DPT: variants seen among roughly 807,000 people sequenced by gnomAD.
The protein encoded by DPT is dermatopontin, also known as tyrosine-rich acidic matrix protein.
Under a neutral mutation model 31.2 loss-of-function variants are expected in DPT, and 21 were observed. The observed-to-expected ratio is 0.67, with a 90% CI of 0.48 to 0.97. The LOEUF (loss-of-function observed/expected upper bound fraction) is 0.97, where lower values mean the gene tolerates loss of function less well. Among genes scored for constraint, DPT ranks in the 50% least tolerant of loss-of-function variants. The pLI is 0.00. For missense variants in DPT, 262 were observed against 258.8 expected, an observed-to-expected ratio of 1.01 and a Z score of -0.08; for synonymous variants, 91 against 86.9, an observed-to-expected ratio of 1.05 and a Z score of -0.26.
At chr1:168,721,631 A>T (rs755456970) in intron 1 of DPT, among the ~76,000 whole-genome samples, 6 of 152,130 alleles carry the variant, frequency 3.9e-5, no homozygotes, top group Non-Finnish European at 5.9e-5. Context: ...TCCTTCAAAG[A>T]TCCTTCCTTT....
At chr1:168,720,266 T>C (rs1390149366) in intron 1 of DPT, among the ~76,000 whole-genome samples, 1 of 152,146 alleles carries the variant, frequency 6.6e-6, no homozygotes, top group Non-Finnish European at 1.5e-5. Context: ...GTTCATGAGC[T>C]CTCAAGAAAT....
intron 1 of DPT, among the ~76,000 whole-genome samples, chr1:168,719,722 A>G (rs1472467488): frequency 6.6e-6 from 1 of 152,046 alleles, no homozygotes; most frequent in Non-Finnish European, 1.5e-5. Context: ...TAAGGAAATA[A>G]GACTATTTCC....
chr1:168,708,827 A>T (rs777008741), intron 2 of DPT, among the ~76,000 whole-genome samples: 2 of 152,216 alleles, frequency 1.3e-5, no homozygotes, highest in Non-Finnish European at 2.9e-5. Flanking sequence ...GCATTACAGG[A>T]GTGAACATGC....
intron 2 of DPT, among the ~76,000 whole-genome samples, chr1:168,707,321 A>G (rs1649743787): frequency 6.6e-6 from 1 of 152,170 alleles, no homozygotes; most frequent in Non-Finnish European, 1.5e-5. Flanking sequence ...ATATCCATTC[A>G]CATTCATTGA....
chr1:168,710,164 G>A (rs375611570), intron 2 of DPT, among the ~76,000 whole-genome samples: 5 of 152,290 alleles, frequency 3.3e-5, no homozygotes, highest in South Asian at 2.1e-4. Context: ...ACACACCAGC[G>A]GGATAGTGAG....
intron 2 of DPT, among the ~76,000 whole-genome samples, chr1:168,710,022 C>G (rs1016382714): frequency 6.6e-6 from 1 of 152,178 alleles, no homozygotes; most frequent in Non-Finnish European, 1.5e-5. Context: ...TATTAAGAGT[C>G]TATTTTGTGC....
intron 1 of DPT, among the ~76,000 whole-genome samples, chr1:168,717,842 A>T (rs1341474936): frequency 6.6e-6 from 1 of 152,190 alleles, no homozygotes; most frequent in Non-Finnish European, 1.5e-5. Flanking sequence ...ATCACTTTGT[A>T]AATGCCTGGC....
At chr1:168,711,319 C>G (rs568476999) in intron 2 of DPT, among the ~76,000 whole-genome samples, 149 of 152,232 alleles carry the variant, frequency 9.8e-4, no homozygotes, top group Non-Finnish European at 1.9e-3. Flanking sequence ...CATGCCCGGC[C>G]TTGACAAATT....
intron 2 of DPT, among the ~76,000 whole-genome samples, chr1:168,707,765 T>C (rs1649755394): frequency 6.6e-6 from 1 of 152,296 alleles, no homozygotes; most frequent in East Asian, 1.9e-4. Context: ...TTTCCCCCTT[T>C]TGCTTGGCAT....
rs1197686616 is a variant in DPT, at chr1:168,696,226, A to G, written c.*323T>C. On this transcript the variant is annotated 3_prime_UTR_variant, in exon 4 of 4. Transcript: ENST00000367817. ...AGTTCATTCTGCAGTAAAAAGCAGT[A>G]GCCAGGCTGCAGCTGGTGCTCCAGA... is the stretch of plus-strand genomic sequence containing the variant. 1 of 434,078 alleles carries G rather than the reference A, an allele frequency of 2.3e-6. No individual in the cohort carries two copies. The highest frequency in any genetic ancestry group is 3.4e-5 in the East Asian group (1 of 29,498). 26.9% of individuals were successfully genotyped at this position (434,078 alleles called of 1,614,324 possible).
In DPT at chr1:168,696,559, G is replaced by A. The variant is rs1649470814; in HGVS notation, c.596C>T (p.Ala199Val). 1 of 1,613,916 alleles carries A rather than the reference G, an allele frequency of 6.2e-7. No homozygotes were observed. The highest frequency in any genetic ancestry group is 8.5e-7 in the Non-Finnish European group (1 of 1,179,952). ...TGGTATGTGGCAAATCTAAACATTT[G>A]CAAATTCACAGTCGTATTCAGTCAT... ...CRMTEYDCEF[A>V]NV The change falls in exon 4 of 4, where the codon GCA becomes GTA. Residue 199 changes from alanine to valine, a missense_variant. Transcript: ENST00000367817.
chr1:168,719,570 G>A (rs900804240), intron 1 of DPT, among the ~76,000 whole-genome samples: 4 of 152,096 alleles, frequency 2.6e-5, no homozygotes, highest in Non-Finnish European at 5.9e-5. Context: ...GAACAGGGCA[G>A]TGGCTCAATG....
At chr1:168,700,046 A>T in intron 3 of DPT, among the ~76,000 whole-genome samples, 1 of 151,778 alleles carries the variant, frequency 6.6e-6, no homozygotes, top group Non-Finnish European at 1.5e-5. Context: ...GGGATTGTTA[A>T]CTCCTTTCAT....
intron 3 of DPT, among the ~76,000 whole-genome samples, chr1:168,697,704 T>C (rs2101897374): frequency 6.6e-6 from 1 of 152,372 alleles, no homozygotes; most frequent in Non-Finnish European, 1.5e-5. Flanking sequence ...CTAATATATC[T>C]GGCATTGCAC....
At position 168,696,241 on chromosome 1, in the gene DPT, G is replaced by A; in HGVS notation, c.*308C>T. 1 of 433,598 alleles carries A rather than the reference G, an allele frequency of 2.3e-6. No individual in the cohort carries two copies. The highest frequency in any genetic ancestry group is 4.0e-6 in the Non-Finnish European group (1 of 247,354). The allele number at this position is 433,598 out of a possible 1,614,324, so 26.9% of individuals were successfully genotyped here. A position where few individuals can be genotyped will look rare whatever the true frequency, so the allele number is the denominator to read the frequency against. ...AAAAAGCAGTAGCCAGGCTGCAGCTGGTGCTCCAGAAGCCCGGCTGTAAGC... is the reference window on the plus strand; with the variant it reads ...AAAAAGCAGTAGCCAGGCTGCAGCTAGTGCTCCAGAAGCCCGGCTGTAAGC... On this transcript the variant is annotated 3_prime_UTR_variant, in exon 4 of 4. Coordinates refer to ENST00000367817, the MANE Select transcript of DPT (RefSeq NM_001937.5).
intron 3 of DPT, among the ~76,000 whole-genome samples, chr1:168,697,511 A>T (rs1275752878): frequency 6.6e-6 from 1 of 152,256 alleles, no homozygotes; most frequent in Non-Finnish European, 1.5e-5. Flanking sequence ...GGATGGGAAG[A>T]GTGTACATAG....
At chr1:168,705,906 T>G (rs1034700265) in intron 2 of DPT, among the ~76,000 whole-genome samples, 12 of 152,218 alleles carry the variant, frequency 7.9e-5, no homozygotes, top group African/African-American at 2.9e-4. Context: ...AGAGTTTCCC[T>G]GCACAAGCTC....
At chr1:168,704,502 G>A (rs61418953) in intron 2 of DPT, among the ~76,000 whole-genome samples, 24,256 of 152,214 alleles carry the variant, frequency 0.16, 2,692 homozygotes, top group African/African-American at 0.32. Context: ...AGCTGAGATC[G>A]CGCCACTGCA....
chr1:168,723,515 C>T (rs370479465), intron 1 of DPT, among the ~76,000 whole-genome samples: 29 of 152,188 alleles, frequency 1.9e-4, no homozygotes, highest in African/African-American at 5.8e-4. Flanking sequence ...TAAATCACCA[C>T]GTAGATCAGG....
Sources: gnomAD v4.1 joint callset for allele counts (sites outside exome capture counted in the v4.1 genomes callset) on GRCh38, gnomAD v4.1.1 for gene constraint, MANE v1.5 for transcripts, NCBI Gene and HGNC (gene_info 2026-07-23, HGNC 2026-07-21) for gene names.